SMTNL1: variants seen among roughly 807,000 people sequenced by gnomAD.
SMTNL1 encodes smoothelin-like protein 1.
SMTNL1 carries 41 observed loss-of-function variants against 46.6 expected under a neutral mutation model. That is an observed-to-expected ratio of 0.88 (90% CI 0.69 to 1.14). The LOEUF is 1.14. SMTNL1 is among the 50% of genes most tolerant of loss of function. The pLI is 0.00. For missense variants in SMTNL1, 591 were observed against 626.1 expected, an observed-to-expected ratio of 0.94 and a Z score of 0.60; for synonymous variants, 234 against 234.2, an observed-to-expected ratio of 1.00 and a Z score of 0.01.
intron 6 of SMTNL1, 65 bp from the exon 7 acceptor site, chr11:57,546,436 G>A: frequency 6.3e-7 from 1 of 1,598,832 alleles, no homozygotes; most frequent in Non-Finnish European, 8.5e-7. Context: ...GGGTGGGAAG[G>A]GGGCCAAGTC....
At chr11:57,543,976 A>G (rs2135263891) in intron 4 of SMTNL1, 56 bp downstream of exon 4, 1 of 1,516,550 alleles carries the variant, frequency 6.6e-7, no homozygotes. Flanking sequence ...TGCTTCCCTC[A>G]GCGTCCACCA....
intron 4 of SMTNL1, 84 bp downstream of exon 4, chr11:57,544,004 C>A: frequency 7.6e-7 from 1 of 1,323,674 alleles, no homozygotes; most frequent in Non-Finnish European, 1.1e-6. Flanking sequence ...AGTCTGGGTT[C>A]CCCCAGCACC....
In SMTNL1 at chr11:57,550,242, T is replaced by A; in HGVS notation, c.*130T>A. On this transcript the variant is annotated 3_prime_UTR_variant, in exon 8 of 8. Transcript: ENST00000527972. ...AGGCAAGGGTGTGTGGCGTTGGTTTTAACTGCATTAAAAGTACTTTTGTAA... is the reference window on the plus strand; with the variant it reads ...AGGCAAGGGTGTGTGGCGTTGGTTTAAACTGCATTAAAAGTACTTTTGTAA... 1 of 952,386 alleles carries A rather than the reference T, an allele frequency of 1.0e-6. No individual in the cohort carries two copies. The highest frequency in any genetic ancestry group is 1.5e-6 in the Non-Finnish European group (1 of 647,436). 59.0% of individuals were successfully genotyped at this position (952,386 alleles called of 1,614,324 possible).
chr11:57,543,907 A>G lies in SMTNL1; in HGVS notation c.904A>G (p.Ser302Gly). 6.3e-7 allele frequency: 1 copy of G among 1,586,532 alleles called. No homozygotes were observed. Among genetic ancestry groups the G allele is most frequent in the Non-Finnish European group, 8.6e-7 (1 of 1,166,122 alleles). The change falls in exon 4 of 8, where the codon AGT becomes GGT. Residue 302 changes from serine to glycine, a missense_variant. Ser to Gly is a moderately conservative substitution (Grantham distance 56). Transcript: ENST00000527972. ...GPDCVASGQTSPSASESSPSD... is the reference protein window; with the variant it reads ...GPDCVASGQTGPSASESSPSD... ...AGACTGTGTAGCTTCCGGACAGACC[A>G]GTCCTTCAGCCAGGTAATGTCAAAC...
chr11:57,542,617 G>T, intron 1 of SMTNL1, 24 bp from the exon 2 acceptor site: 1 of 1,579,146 alleles, frequency 6.3e-7, no homozygotes, highest in Non-Finnish European at 8.6e-7. Flanking sequence ...GGCATGACCA[G>T]GTCTGCTTGT....
rs775376989 is a variant in SMTNL1 at position 57,542,994 on chromosome 11, A to C, written c.352A>C (p.Thr118Pro). Residue 118 changes from threonine to proline, a missense_variant, in exon 2 of 8, where the codon ACC becomes CCC. Physicochemically the swap from Thr to Pro is conservative, Grantham distance 38. Transcript: ENST00000527972. ...SQEMTGRKEE[T>P]KSEPKEAEEK... ...GGAGATGACTGGCAGGAAAGAAGAG[A>C]CCAAATCTGAACCCAAAGAGGCTGA... 5 of 1,601,784 alleles carry C rather than the reference A, an allele frequency of 3.1e-6. No homozygotes were observed. The highest frequency in any genetic ancestry group is 8.5e-7 in the Non-Finnish European group (1 of 1,174,202).
intron 1 of SMTNL1, chr11:57,541,579 A>C: frequency 7.3e-7 from 1 of 1,366,236 alleles, no homozygotes. Flanking sequence ...TTCTTCACTC[A>C]AGGAAACGCT....
At chr11:57,538,180 G>A (rs1033555316) in intron 1 of SMTNL1, among the ~76,000 whole-genome samples, 2 of 152,040 alleles carry the variant, frequency 1.3e-5, no homozygotes, top group African/African-American at 4.8e-5. Flanking sequence ...AATTGAGGTC[G>A]GCCTCTCCAA....
At position 57,543,306 on chromosome 11, in the gene SMTNL1, G is replaced by C. The variant is rs1195430067; in HGVS notation, c.664G>C (p.Glu222Gln). 1 of 1,614,004 alleles carries C rather than the reference G, an allele frequency of 6.2e-7. No homozygotes were observed. Among genetic ancestry groups the C allele is most frequent in the East Asian group, 2.2e-5 (1 of 44,876 alleles). The change falls in exon 2 of 8, where the codon GAG (glutamate) becomes CAG (glutamine). Residue 222 changes from glutamate to glutamine, a missense_variant. Coordinates refer to ENST00000527972, the MANE Select transcript of SMTNL1 (RefSeq NM_001105565.3). ...TGAACCCAAGGAGCCCGATGGGAAA[G>C]AGGAGGCCAAACATGGTGCAAAAGA... ...KAEPKEPDGKEEAKHGAKEEA... is the reference protein window; with the variant it reads ...KAEPKEPDGKQEAKHGAKEEA...
Position 57,545,931 on chromosome 11 carries a change from CAG to C in SMTNL1, c.969_970del (p.Lys326GlufsTer45). 1 of 1,613,718 alleles carries C rather than the reference CAG, an allele frequency of 6.2e-7. No homozygotes were observed. The highest frequency in any genetic ancestry group is 8.5e-7 in the Non-Finnish European group (1 of 1,179,774). On this transcript the variant is annotated frameshift_variant, in exon 5 of 8. Coordinates refer to ENST00000527972, the MANE Select transcript of SMTNL1 (RefSeq NM_001105565.3). LOFTEE classifies it high-confidence loss of function. Reference sequence around the variant, plus strand: ...CAGAGTCCCCCTGAGTCCCCTTCCTCAGGGGAGAAGAAGGAGAAGGCACCAGA... The same window carrying C: ...CAGAGTCCCCCTGAGTCCCCTTCCTCGGGAGAAGAAGGAGAAGGCACCAGA...
At position 57,543,692 on chromosome 11, in the gene SMTNL1, G is replaced by T. The variant is rs373737503; in HGVS notation, c.801G>T (p.Val267=). 147 of 1,590,508 alleles carry T rather than the reference G, an allele frequency of 9.2e-5. No homozygotes were observed. The highest frequency in any genetic ancestry group is 1.7e-4 in the Middle Eastern group (1 of 6,046). ...AAGAGCCAGAGGGAGGGGCAGGGGT[G>T]ATTCCCAGCTCCCCAGAGGAGTGGC... ...VEKEPEGGAG[V]IPSSPEEWPE... is the part of the protein sequence containing the mutation. The change falls in exon 3 of 8, where the codon GTG becomes GTT. Residue 267 remains valine (V), a synonymous_variant. Coordinates refer to ENST00000527972, the MANE Select transcript of SMTNL1 (RefSeq NM_001105565.3).
intron 1 of SMTNL1, among the ~76,000 whole-genome samples, chr11:57,540,293 T>C (rs986439323): frequency 6.6e-5 from 10 of 152,196 alleles, no homozygotes; most frequent in African/African-American, 2.4e-4. Context: ...AGAGACAGAA[T>C]TTAATATGTT....
chr11:57,545,724 T>C (rs1050029002), intron 4 of SMTNL1, among the ~76,000 whole-genome samples, 157 bp from the exon 5 acceptor site: 2 of 151,950 alleles, frequency 1.3e-5, no homozygotes, highest in African/African-American at 4.8e-5. Flanking sequence ...AGACTGAGAC[T>C]CACGATTCCT....
intron 1 of SMTNL1, among the ~76,000 whole-genome samples, chr11:57,542,111 AAAACACACACACACAC>A (rs1944883294): frequency 1.1e-5 from 1 of 87,920 alleles, no homozygotes; most frequent in South Asian, 4.5e-4. Context: ...CTACAAAAAA[AAAACACACACACACAC>A]ACACACACAC....
At chr11:57,543,988 C>A in intron 4 of SMTNL1, 68 bp downstream of exon 4, 2 of 1,477,686 alleles carry the variant, frequency 1.4e-6, no homozygotes, top group Non-Finnish European at 9.3e-7. Context: ...CGTCCACCAT[C>A]AACTCAGTCT....
intron 4 of SMTNL1, among the ~76,000 whole-genome samples, chr11:57,545,416 C>G (rs565506479): frequency 1.3e-5 from 2 of 151,814 alleles, no homozygotes; most frequent in African/African-American, 4.8e-5. Flanking sequence ...ACCAGCCTGG[C>G]CAACATGGTG....
rs746291221 is a variant in SMTNL1, at chr11:57,542,675, T to C, written c.33T>C (p.Asp11=). The part of the protein sequence containing the change: MEQKEGKLSE[D]GTTVSPAADN... ...AGAAGGAAGGGAAGCTCTCTGAGGATGGGACCACCGTCTCCCCAGCTGCGG... is the reference window on the plus strand; with the variant it reads ...AGAAGGAAGGGAAGCTCTCTGAGGACGGGACCACCGTCTCCCCAGCTGCGG... The change falls in exon 2 of 8, where the codon GAT becomes GAC. Residue 11 remains aspartate (D), a synonymous_variant. Transcript: ENST00000527972. The C allele has an allele frequency of 5.0e-6, 8 of 1,612,352 alleles. 1 individual carries two copies. The South Asian group carries it at 8.8e-5, about 18-fold the overall frequency.
Position 57,543,037 on chromosome 11 carries a change from T to C in SMTNL1, c.395T>C (p.Leu132Pro). ...PKEAEEKEST[L>P]ASEKQKAEEK... ...GAGGCTGAGGAAAAGGAGAGCACGC[T>C]GGCCTCTGAGAAGCAGAAGGCTGAG... is the stretch of plus-strand genomic sequence containing the variant. Residue 132 changes from leucine (L) to proline (P), a missense_variant, in exon 2 of 8, where the codon CTG becomes CCG. Coordinates refer to ENST00000527972, the MANE Select transcript of SMTNL1 (RefSeq NM_001105565.3). 6.2e-7 allele frequency: 1 copy of C among 1,604,952 alleles called. No individual in the cohort carries two copies. Among genetic ancestry groups the C allele is most frequent in the East Asian group, 2.2e-5 (1 of 44,516 alleles).
At position 57,550,207 on chromosome 11, in the gene SMTNL1, C is replaced by A; in HGVS notation, c.*95C>A. On this transcript the variant is annotated 3_prime_UTR_variant, in exon 8 of 8. Coordinates refer to ENST00000527972, the MANE Select transcript of SMTNL1 (RefSeq NM_001105565.3). ...CTTCTGCTCCATGGAGGCACCAGAG[C>A]CAGGGGCTTAGGCAAGGGTGTGTGG... 7.4e-7 allele frequency: 1 copy of A among 1,345,968 alleles called. No homozygotes were observed. The highest frequency in any genetic ancestry group is 1.0e-6 in the Non-Finnish European group (1 of 993,462). 83.4% of individuals were successfully genotyped at this position (1,345,968 alleles called of 1,614,324 possible).
Sources: allele counts gnomAD v4.1 joint callset (sites outside exome capture counted in the v4.1 genomes callset), GRCh38; gene constraint gnomAD v4.1.1; transcripts MANE v1.5; gene names NCBI Gene and HGNC (gene_info 2026-07-23, HGNC 2026-07-21).